The following CNTNAP2 variants were observed in gnomAD, a reference collection of about 807,000 sequenced individuals.
CNTNAP2 encodes the protein contactin associated protein 2.
In CNTNAP2, 98 loss-of-function variants were observed where a neutral mutation model predicts 155.2. That is an observed-to-expected ratio of 0.63 (90% CI 0.54 to 0.75). The LOEUF (loss-of-function observed/expected upper bound fraction) is 0.75, where lower values mean the gene tolerates loss of function less well. Among genes scored for constraint, CNTNAP2 ranks in the 30% least tolerant of loss-of-function variants. CNTNAP2 has a pLI of 0.00. For synonymous variants in CNTNAP2, 651 were observed against 631.2 expected, an observed-to-expected ratio of 1.03 and a Z score of -0.47; for missense variants, 1,727 against 1,688.1, an observed-to-expected ratio of 1.02 and a Z score of -0.40.
At chr7:147,038,636 A>G (rs529176095) in intron 3 of CNTNAP2, among the ~76,000 whole-genome samples, 7 of 152,154 alleles carry the variant, frequency 4.6e-5, no homozygotes, top group Admixed American at 4.6e-4. Flanking sequence ...CGTGCATTGG[A>G]GATCCCAAGG....
At chr7:146,464,523 G>T (rs1410160097) in intron 1 of CNTNAP2, among the ~76,000 whole-genome samples, 1 of 152,136 alleles carries the variant, frequency 6.6e-6, no homozygotes, top group East Asian at 1.9e-4. Context: ...TAGAGGTGTA[G>T]ATGGGAAAGA....
At chr7:147,253,665 A>G (rs1044974821) in intron 8 of CNTNAP2, among the ~76,000 whole-genome samples, 2 of 152,136 alleles carry the variant, frequency 1.3e-5, no homozygotes, top group African/African-American at 4.8e-5. Flanking sequence ...GGAGGCTCCA[A>G]AGTGAATCCC....
At chr7:146,976,790 G>A (rs1797919883) in intron 3 of CNTNAP2, among the ~76,000 whole-genome samples, 1 of 152,164 alleles carries the variant, frequency 6.6e-6, no homozygotes, top group Non-Finnish European at 1.5e-5. Context: ...CATAGACTGG[G>A]TAGCGAAACC....
chr7:147,531,070 C>A, intron 11 of CNTNAP2, among the ~76,000 whole-genome samples: 1 of 152,344 alleles, frequency 6.6e-6, no homozygotes, highest in Middle Eastern at 3.4e-3. Flanking sequence ...ACATCCAGGT[C>A]ACGCTGATGC....
chr7:147,611,635 G>A (rs1440436962), intron 12 of CNTNAP2, among the ~76,000 whole-genome samples: 1 of 152,078 alleles, frequency 6.6e-6, no homozygotes, highest in Non-Finnish European at 1.5e-5. Context: ...CCATCTTTGG[G>A]CTGTAATTGT....
At chr7:146,995,071 G>A (rs1380639410) in intron 3 of CNTNAP2, among the ~76,000 whole-genome samples, 1 of 151,966 alleles carries the variant, frequency 6.6e-6, no homozygotes, top group African/African-American at 2.4e-5. Context: ...TTCTACATAT[G>A]AGTGAGATCA....
At chr7:148,383,933 A>G (rs1402545686) in intron 22 of CNTNAP2, 45 bp downstream of exon 22, 9 of 1,586,420 alleles carry the variant, frequency 5.7e-6, no homozygotes, top group Non-Finnish European at 7.7e-6. Context: ...ATTTCTTTAA[A>G]CCTCAGTCTC....
rs117336829 is a variant in CNTNAP2 at position 146,772,662 on chromosome 7, C to T, written c.98-1609C>T. 4.8e-3 allele frequency among the ~76,000 whole-genome samples: 728 copies of T among 151,928 alleles called. 5 individuals carry two copies. Among genetic ancestry groups the T allele is most frequent in the South Asian group, 0.021 (100 of 4,800 alleles). The stretch of plus-strand genomic sequence containing the variant: ...CCAGCCTGGGCAACAGAGTGACACT[C>T]GGTCTCAAATAAAAATAAAAAAGAA... On this transcript the variant is annotated intron_variant, in intron 1 of 23. Coordinates refer to ENST00000361727, the MANE Select transcript of CNTNAP2 (RefSeq NM_014141.6).
intron 13 of CNTNAP2, among the ~76,000 whole-genome samples, chr7:147,805,121 G>C (rs1402179352): frequency 1.3e-5 from 2 of 150,830 alleles, no homozygotes; most frequent in South Asian, 2.1e-4. Flanking sequence ...GCCCAGGCTA[G>C]AGTGCAATGG....
intron 15 of CNTNAP2, among the ~76,000 whole-genome samples, chr7:148,068,492 C>T (rs558602267): frequency 6.6e-6 from 1 of 152,198 alleles, no homozygotes. Flanking sequence ...GACTTTCCCT[C>T]CTCACGCTTT....
intron 4 of CNTNAP2, among the ~76,000 whole-genome samples, chr7:147,101,374 G>A (rs1228398641): frequency 6.6e-6 from 1 of 152,220 alleles, no homozygotes; most frequent in Non-Finnish European, 1.5e-5. Flanking sequence ...CCTTTTGGGA[G>A]GAGGAGCATG....
chr7:148,164,126 G>C (rs547841147), intron 17 of CNTNAP2, among the ~76,000 whole-genome samples: 2 of 152,158 alleles, frequency 1.3e-5, no homozygotes, highest in African/African-American at 4.8e-5. Context: ...GTAGAAATGG[G>C]GTTTCACCAT....
At chr7:148,119,905 T>C (rs1052653165) in intron 16 of CNTNAP2, among the ~76,000 whole-genome samples, 1 of 152,048 alleles carries the variant, frequency 6.6e-6, no homozygotes, top group Non-Finnish European at 1.5e-5. Context: ...ATCCTGGTCC[T>C]AGAATTAAAA....
chr7:147,941,955 A>G (rs1800730877), intron 14 of CNTNAP2, among the ~76,000 whole-genome samples: 1 of 152,220 alleles, frequency 6.6e-6, no homozygotes, highest in Non-Finnish European at 1.5e-5. Flanking sequence ...GGCCATGTCT[A>G]CCTAAGAACC....
At chr7:147,633,819 T>C (rs1472439284) in intron 12 of CNTNAP2, among the ~76,000 whole-genome samples, 1 of 152,280 alleles carries the variant, frequency 6.6e-6, no homozygotes, top group South Asian at 2.1e-4. Context: ...TCCCCAGCAA[T>C]GTGGAAATGT....
intron 13 of CNTNAP2, among the ~76,000 whole-genome samples, chr7:147,746,680 A>G (rs190434255): frequency 2.0e-5 from 3 of 152,188 alleles, no homozygotes; most frequent in Non-Finnish European, 2.9e-5. Context: ...AATGGGACCA[A>G]TTGTTTTCTC....
At chr7:146,420,559 C>T (rs1200568987) in intron 1 of CNTNAP2, among the ~76,000 whole-genome samples, 1 of 152,014 alleles carries the variant, frequency 6.6e-6, no homozygotes, top group Non-Finnish European at 1.5e-5. Context: ...CTAGGTATGG[C>T]AGTACACCTG....
chr7:146,739,692 T>C (rs184498635), intron 1 of CNTNAP2, among the ~76,000 whole-genome samples: 75 of 152,116 alleles, frequency 4.9e-4, no homozygotes, highest in African/African-American at 1.8e-3. Flanking sequence ...CAAGTGTAAG[T>C]TTCTTTGTTT....
At chr7:148,014,107 C>G (rs1002830933) in intron 15 of CNTNAP2, 2 of 151,914 alleles carry the variant, frequency 1.3e-5, no homozygotes, top group African/African-American at 4.8e-5. Context: ...ATTTGGAAGT[C>G]ACTCACTATA....
Sources: allele counts gnomAD v4.1 joint callset (sites outside exome capture counted in the v4.1 genomes callset), GRCh38; gene constraint gnomAD v4.1.1; transcripts MANE v1.5; gene names NCBI Gene and HGNC (gene_info 2026-07-23, HGNC 2026-07-21).